The following STX10 variants were observed in gnomAD, a reference collection of about 807,000 sequenced individuals.
The protein encoded by STX10 is syntaxin 10.
Under a neutral mutation model 34.1 loss-of-function variants are expected in STX10, and 35 were observed. That is an observed-to-expected ratio of 1.03 (90% CI 0.78 to 1.36). The LOEUF is 1.36. STX10 is among the 40% of genes most tolerant of loss of function. The pLI is 0.00. For synonymous variants in STX10, 155 were observed against 132.9 expected, an observed-to-expected ratio of 1.17 and a Z score of -1.15; for missense variants, 361 against 335.5, an observed-to-expected ratio of 1.08 and a Z score of -0.59.
In STX10 at chr19:13,144,460, C is replaced by T. The variant is rs780868906; in HGVS notation, c.700G>A (p.Val234Met). The change falls in exon 8 of 8, where the codon GTG becomes ATG. Residue 234 changes from valine (V) to methionine (M), a missense_variant. Transcript: ENST00000587230. ...ACGAGGAGAAGCACCCCCACTAGCA[C>T]GGCGATGGCACACCACTGTCGGCGG... ...SDRRQWCAIA[V>M]LVGVLLLVLI... 20 of 1,613,232 alleles carry T rather than the reference C, an allele frequency of 1.2e-5. No individual in the cohort carries two copies. The highest frequency in any genetic ancestry group is 3.3e-5 in the South Asian group (3 of 90,816).
chr19:13,144,374 A>G lies in STX10; in HGVS notation c.*36T>C, dbSNP rs777296920. On this transcript the variant is annotated 3_prime_UTR_variant, in exon 8 of 8. Coordinates refer to ENST00000587230, the MANE Select transcript of STX10 (RefSeq NM_003765.3). Reference sequence around the variant, plus strand: ...GCTCCAAAGTGCTTGGTGGCTCCCCAGGCTTAAGGGACCAGCCTGCCAGGG... The same window carrying G: ...GCTCCAAAGTGCTTGGTGGCTCCCCGGGCTTAAGGGACCAGCCTGCCAGGG... 6.3e-7 allele frequency: 1 copy of G among 1,591,434 alleles called. No individual in the cohort carries two copies. The highest frequency in any genetic ancestry group is 2.3e-5 in the East Asian group (1 of 44,186).
At position 13,145,391 on chromosome 19, in the gene STX10, A is replaced by G. The variant is rs771770934; in HGVS notation, c.368T>C (p.Leu123Pro). 17 of 1,610,086 alleles carry G rather than the reference A, an allele frequency of 1.1e-5. No individual in the cohort carries two copies. Among genetic ancestry groups the G allele is most frequent in the African/African-American group, 1.3e-5 (1 of 74,924 alleles). The stretch of plus-strand genomic sequence containing the variant: ...CTTCTGGGCAGCTGGCTTGCCTGCG[A>G]GTATCTGCAGGGGCACACAACATAG... ...AFLERNNREI[L>P]AGKPAAQKSP... Residue 123 changes from leucine to proline, a missense_variant, in exon 5 of 8, where the codon CTC (leucine) becomes CCC (proline). Coordinates refer to ENST00000587230, the MANE Select transcript of STX10 (RefSeq NM_003765.3).
chr19:13,145,384 G>T lies in STX10; in HGVS notation c.375C>A (p.Gly125=), dbSNP rs754437621. The T allele has an allele frequency of 5.6e-6, 9 of 1,610,668 alleles. No homozygotes were observed. The highest frequency in any genetic ancestry group is 2.7e-5 in the African/African-American group (2 of 74,930). The change falls in exon 5 of 8, where the codon GGC becomes GGA. Residue 125 remains glycine (G), a synonymous_variant. Transcript: ENST00000587230. ...LERNNREILA[G]KPAAQKSPSD... ...TGGGTGACTTCTGGGCAGCTGGCTT[G>T]CCTGCGAGTATCTGCAGGGGCACAC...
intron 4 of STX10, among the ~76,000 whole-genome samples, chr19:13,148,594 C>T (rs1393051233): frequency 4.0e-5 from 6 of 149,750 alleles, no homozygotes; most frequent in Non-Finnish European, 7.4e-5. Context: ...GCAGGAGAAT[C>T]GCTTGAACCC....
Position 13,150,031 on chromosome 19 carries a change from C to T in STX10, c.35+108G>A. 1 of 1,335,000 alleles carries T rather than the reference C, an allele frequency of 7.5e-7. No individual in the cohort carries two copies. The highest frequency in any genetic ancestry group is 1.1e-6 in the Non-Finnish European group (1 of 952,178). 82.7% of individuals were successfully genotyped at this position (1,335,000 alleles called of 1,614,324 possible). A position where few individuals can be genotyped will look rare whatever the true frequency, so the allele number is the denominator to read the frequency against. On this transcript the variant is annotated intron_variant, in intron 1 of 7. Coordinates refer to ENST00000587230, the MANE Select transcript of STX10 (RefSeq NM_003765.3). The surrounding 1 kb of genome is among the most constrained non-coding windows in gnomAD (Gnocchi z 4.0). ...ACCCCTGCGTGCGCCTCCCACTCTG[C>T]ACCCCGACGGCCTTGCCCAGCCCGC...
At position 13,150,055 on chromosome 19, in the gene STX10, GCCGGGCACGCTGGGGCCGGCAC is replaced by G. The variant is rs2020024377; in HGVS notation, c.35+62_35+83del. ...GCACCCCGACGGCCTTGCCCAGCCC[GCCGGGCACGCTGGGGCCGGCAC>G]CCGGGCACTGGCTGGCTTGGGTACA... On this transcript the variant is annotated intron_variant, in intron 1 of 7. Transcript: ENST00000587230. The surrounding 1 kb of genome is among the most constrained non-coding windows in gnomAD (Gnocchi z 4.0). 1.2e-5 allele frequency: 15 copies of G among 1,219,792 alleles called. No individual in the cohort carries two copies. The highest frequency in any genetic ancestry group is 1.4e-5 in the Non-Finnish European group (12 of 844,904). The allele number at this position is 1,219,792 out of a possible 1,614,324, so 75.6% of individuals were successfully genotyped here.
rs1299606898 is a variant in STX10, at chr19:13,150,088, G to C, written c.35+51C>G. On this transcript the variant is annotated intron_variant, in intron 1 of 7. Coordinates refer to ENST00000587230, the MANE Select transcript of STX10 (RefSeq NM_003765.3). The surrounding 1 kb of genome is among the most constrained non-coding windows in gnomAD (Gnocchi z 4.0). Reference sequence around the variant, plus strand: ...CGCTGGGGCCGGCACCCGGGCACTGGCTGGCTTGGGTACAGAGCACCCTCC... The same window carrying C: ...CGCTGGGGCCGGCACCCGGGCACTGCCTGGCTTGGGTACAGAGCACCCTCC... 2.7e-6 allele frequency: 3 copies of C among 1,111,882 alleles called. No individual in the cohort carries two copies. Among genetic ancestry groups the C allele is most frequent in the Non-Finnish European group, 4.0e-6 (3 of 742,976 alleles). 68.9% of individuals were successfully genotyped at this position (1,111,882 alleles called of 1,614,324 possible). A position where few individuals can be genotyped will look rare whatever the true frequency, so the allele number is the denominator to read the frequency against.
At chr19:13,147,075 CAG>C (rs2019915320) in intron 4 of STX10, among the ~76,000 whole-genome samples, 1 of 83,886 alleles carries the variant, frequency 1.2e-5, no homozygotes, top group South Asian at 5.0e-4. Flanking sequence ...GGGAGAAACA[CAG>C]AAACACACAC....
rs144531525 is a variant in STX10, at chr19:13,145,807, C to T, written c.364-412G>A. ...TTGGGAGGCCGAGGTAGATGGATCA[C>T]GAGGTCAAGAGTTTGAGAGCAGCCT... is the stretch of plus-strand genomic sequence containing the variant. On this transcript the variant is annotated intron_variant, in intron 4 of 7. Transcript: ENST00000587230. Among the ~76,000 whole-genome samples, 9 of 151,768 alleles carry T rather than the reference C, an allele frequency of 5.9e-5. No homozygotes were observed. The South Asian group carries it at 8.3e-4, about 14-fold the overall frequency.
chr19:13,150,110 C>G lies in STX10; in HGVS notation c.35+29G>C. The G allele has an allele frequency of 8.8e-7, 1 of 1,133,824 alleles. No individual in the cohort carries two copies. The highest frequency in any genetic ancestry group is 1.3e-6 in the Non-Finnish European group (1 of 759,230). 70.2% of individuals were successfully genotyped at this position (1,133,824 alleles called of 1,614,324 possible). ...CTGGCTGGCTTGGGTACAGAGCACC[C>G]TCCGCCCTCCCCCGTCGTTGTCACT... On this transcript the variant is annotated intron_variant, in intron 1 of 7. Transcript: ENST00000587230. This position sits in a 1 kb window ranked among gnomAD's most constrained non-coding sequence, Gnocchi z 4.0.
rs200971613 is a variant in STX10 at position 13,145,274 on chromosome 19, G to A, written c.471+14C>T. ...GCTCTCCCCTCCCAAGATCCACCCC[G>A]CTGGCCCCAAAACCTGCTGTGTGGC... On this transcript the variant is annotated intron_variant, in intron 5 of 7. Transcript: ENST00000587230. 693 of 1,606,802 alleles carry A rather than the reference G, an allele frequency of 4.3e-4. No homozygotes were observed. Among genetic ancestry groups the A allele is most frequent in the Non-Finnish European group, 5.7e-4 (670 of 1,178,682 alleles).
intron 1 of STX10, 99 bp from the exon 2 acceptor site, chr19:13,149,996 A>T: frequency 7.2e-7 from 1 of 1,394,186 alleles, no homozygotes; most frequent in Non-Finnish European, 9.8e-7. Context: ...GACTCCGGAG[A>T]CCCCTATATA....
At chr19:13,148,357 GCC>G (rs2019955778) in intron 4 of STX10, among the ~76,000 whole-genome samples, 1 of 151,866 alleles carries the variant, frequency 6.6e-6, no homozygotes, top group Non-Finnish European at 1.5e-5. Context: ...TACAAAATTA[GCC>G]AGGCATGGTG....
In STX10 at chr19:13,149,416, AAAAAAAAAAAAAAGAAAGAAAGAAAG is replaced by A. The variant is rs2019992568; in HGVS notation, c.300+57_300+82del. On this transcript the variant is annotated intron_variant, in intron 3 of 7. Coordinates refer to ENST00000587230, the MANE Select transcript of STX10 (RefSeq NM_003765.3). ...GACAGAGCGAGGCTCTGTCTCAAAA[AAAAAAAAAAAAAAGAAAGAAAGAAAG>A]AAAAAAAAACACACTCAAACCTTCC... The A allele has an allele frequency of 1.0e-5, 11 of 1,067,984 alleles. No individual in the cohort carries two copies. The South Asian group carries it at 1.8e-4, about 18-fold the overall frequency. The allele number at this position is 1,067,984 out of a possible 1,614,324, so 66.2% of individuals were successfully genotyped here. A position where few individuals can be genotyped will look rare whatever the true frequency, so the allele number is the denominator to read the frequency against.
chr19:13,144,971 G>T, intron 5 of STX10, 101 bp from the exon 6 acceptor site: 1 of 1,096,428 alleles, frequency 9.1e-7, no homozygotes, highest in Non-Finnish European at 1.3e-6. Context: ...GGCCGAGACA[G>T]GCGGATCACT....
At chr19:13,145,500 G>A in intron 4 of STX10, 105 bp from the exon 5 acceptor site, 1 of 891,750 alleles carries the variant, frequency 1.1e-6, no homozygotes, top group Admixed American at 2.3e-5. Flanking sequence ...CTCTGGGGCA[G>A]GACAGCCTGC....
chr19:13,145,961 G>A (rs1261558564), intron 4 of STX10, among the ~76,000 whole-genome samples: 1 of 148,914 alleles, frequency 6.7e-6, no homozygotes, highest in Non-Finnish European at 1.5e-5. Context: ...GGGAGGCTGA[G>A]GTTGCAGTGA....
At chr19:13,149,443 A>T in intron 3 of STX10, 56 bp downstream of exon 3, 2 of 1,414,102 alleles carry the variant, frequency 1.4e-6, no homozygotes, top group South Asian at 2.6e-5. Flanking sequence ...AGAAAGAAAG[A>T]AAAAAAAACA....
chr19:13,145,016 T>C, intron 5 of STX10, 146 bp from the exon 6 acceptor site: 1 of 743,722 alleles, frequency 1.3e-6, no homozygotes, highest in African/African-American at 1.8e-5. Context: ...CTGGCCAACA[T>C]GGTGAAACCC....
Sources: allele counts gnomAD v4.1 joint callset (sites outside exome capture counted in the v4.1 genomes callset), GRCh38; gene constraint gnomAD v4.1.1; non-coding constraint Gnocchi (gnomAD v3.1); transcripts MANE v1.5; gene names NCBI Gene and HGNC (gene_info 2026-07-23, HGNC 2026-07-21).